EPHA6: variants seen among roughly 807,000 people sequenced by gnomAD.
EPHA6 encodes EPH receptor A6.
In EPHA6, 50 loss-of-function variants were observed where a neutral mutation model predicts 112.0. The observed-to-expected ratio is 0.45, with a 90% CI of 0.36 to 0.56. EPHA6 has a LOEUF of 0.56. Among genes scored for constraint, EPHA6 ranks in the 20% least tolerant of loss-of-function variants. The pLI is 0.00. For synonymous variants in EPHA6, 529 were observed against 490.7 expected (o/e 1.08, Z -1.03); for missense variants, 1,280 against 1,417.4 (o/e 0.90, Z 1.56).
intron 5 of EPHA6, among the ~76,000 whole-genome samples, chr3:97,376,225 G>C (rs1318303396): frequency 6.6e-6 from 1 of 152,092 alleles, no homozygotes; most frequent in Non-Finnish European, 1.5e-5. Context: ...CACCCTAATA[G>C]TAGAGAGTTA....
At chr3:97,141,288 A>G (rs1295203308) in intron 3 of EPHA6, among the ~76,000 whole-genome samples, 1 of 152,084 alleles carries the variant, frequency 6.6e-6, no homozygotes, top group Non-Finnish European at 1.5e-5. Flanking sequence ...CAGAAAATCA[A>G]CAAAGGGCCT....
intron 3 of EPHA6, among the ~76,000 whole-genome samples, chr3:97,223,322 T>C (rs1033801907): frequency 6.6e-6 from 1 of 152,084 alleles, no homozygotes. Context: ...TAATATGAAA[T>C]ATTGCAGCAG....
At chr3:97,455,528 T>G (rs1462970209) in intron 7 of EPHA6, among the ~76,000 whole-genome samples, 2 of 152,064 alleles carry the variant, frequency 1.3e-5, no homozygotes, top group Admixed American at 1.3e-4. Context: ...TCATTATTTA[T>G]AATTTTCTAC....
intron 3 of EPHA6, among the ~76,000 whole-genome samples, chr3:97,220,108 C>A (rs1460616353): frequency 6.6e-6 from 1 of 152,172 alleles, no homozygotes; most frequent in Non-Finnish European, 1.5e-5. Flanking sequence ...CAACAAGCTC[C>A]TCATCTCCAT....
At chr3:97,065,345 T>C (rs2108136674) in intron 3 of EPHA6, among the ~76,000 whole-genome samples, 1 of 152,272 alleles carries the variant, frequency 6.6e-6, no homozygotes, top group Middle Eastern at 3.4e-3. Flanking sequence ...CCATGAAATA[T>C]GCATGTTACC....
At chr3:97,446,541 C>A (rs150624330) in intron 6 of EPHA6, among the ~76,000 whole-genome samples, 1 of 152,178 alleles carries the variant, frequency 6.6e-6, no homozygotes, top group African/African-American at 2.4e-5. Flanking sequence ...TGAACCATAT[C>A]TTCTCTCTTT....
intron 3 of EPHA6, among the ~76,000 whole-genome samples, chr3:97,021,874 T>G (rs1445444467): frequency 6.6e-6 from 1 of 152,188 alleles, no homozygotes; most frequent in Non-Finnish European, 1.5e-5. Context: ...ACTTAGATCA[T>G]CACATGGTCG....
chr3:97,265,580 C>T (rs2079650407), intron 5 of EPHA6, among the ~76,000 whole-genome samples: 1 of 152,208 alleles, frequency 6.6e-6, no homozygotes, highest in Admixed American at 6.5e-5. Context: ...GCAGACACTC[C>T]CGAGCCTGCA....
chr3:97,206,339 A>C (rs536236275), intron 3 of EPHA6, among the ~76,000 whole-genome samples: 10 of 152,052 alleles, frequency 6.6e-5, no homozygotes, highest in Non-Finnish European at 1.5e-4. Context: ...CTTAGTTCAA[A>C]AACTTCTGTG....
chr3:96,971,579 A>T (rs2042318349), intron 2 of EPHA6, among the ~76,000 whole-genome samples: 1 of 139,016 alleles, frequency 7.2e-6, no homozygotes, highest in Admixed American at 6.8e-5. Context: ...CAGTATATTG[A>T]TACAAAGTGA....
At chr3:96,943,303 T>C (rs1008196217) in intron 2 of EPHA6, among the ~76,000 whole-genome samples, 6 of 152,154 alleles carry the variant, frequency 3.9e-5, no homozygotes, top group African/African-American at 1.4e-4. Flanking sequence ...CAAAAAGAAA[T>C]GATAAATTTT....
At chr3:97,740,604 A>G (rs1416996911) in intron 16 of EPHA6, among the ~76,000 whole-genome samples, 1 of 152,150 alleles carries the variant, frequency 6.6e-6, no homozygotes, top group Non-Finnish European at 1.5e-5. Flanking sequence ...GTTTCCAGTA[A>G]TATGTGAATC....
rs149244751 is a variant in EPHA6 at position 97,386,271 on chromosome 3, G to A, written c.1607-18879G>A. Among the ~76,000 whole-genome samples the A allele has an allele frequency of 8.3e-4, 127 of 152,162 alleles. 1 individual carries two copies. The highest frequency in any genetic ancestry group is 2.7e-3 in the African/African-American group (114 of 41,512). On this transcript the variant is annotated intron_variant, in intron 5 of 17. Transcript: ENST00000389672. ...TGAGCTGATTAAACCTCTTTTCTTC[G>A]TAAATTACCTAATTTCAGGTATGTC...
At position 97,611,334 on chromosome 3, in the gene EPHA6, T is replaced by C. The variant is rs138048789; in HGVS notation, c.2574+480T>C. On this transcript the variant is annotated intron_variant, in intron 13 of 17. Transcript: ENST00000389672. The stretch of plus-strand genomic sequence containing the variant: ...CTTCTTCAGTTCATTTGGCTGACTA[T>C]TCAGAAAACAAAGGGAGGAGGAATA... Among the ~76,000 whole-genome samples the C allele has an allele frequency of 5.6e-3, 856 of 151,972 alleles. 6 individuals carry two copies. Among genetic ancestry groups the C allele is most frequent in the Non-Finnish European group, 8.0e-3 (545 of 67,808 alleles).
At chr3:97,164,839 T>G (rs972959615) in intron 3 of EPHA6, among the ~76,000 whole-genome samples, 2 of 152,138 alleles carry the variant, frequency 1.3e-5, no homozygotes, top group Non-Finnish European at 2.9e-5. Context: ...ACCACCAGCA[T>G]CCTATTTGAG....
intron 2 of EPHA6, among the ~76,000 whole-genome samples, chr3:96,962,436 G>A (rs1258832962): frequency 1.3e-5 from 2 of 150,390 alleles, no homozygotes; most frequent in African/African-American, 4.9e-5. Flanking sequence ...CATGGAGGAG[G>A]AATAACAATG....
intron 7 of EPHA6, among the ~76,000 whole-genome samples, chr3:97,450,303 G>T (rs1430456918): frequency 6.6e-6 from 1 of 151,932 alleles, no homozygotes; most frequent in Non-Finnish European, 1.5e-5. Context: ...AGGAAAGTTT[G>T]GTCCAAGATT....
At chr3:97,141,336 TA>T (rs1272883546) in intron 3 of EPHA6, among the ~76,000 whole-genome samples, 1 of 152,098 alleles carries the variant, frequency 6.6e-6, no homozygotes, top group Non-Finnish European at 1.5e-5. Flanking sequence ...GTGGATTTAA[TA>T]GACATTTATA....
At chr3:97,712,159 C>T (rs1048295500) in intron 14 of EPHA6, among the ~76,000 whole-genome samples, 1 of 151,994 alleles carries the variant, frequency 6.6e-6, no homozygotes, top group South Asian at 2.1e-4. Flanking sequence ...AAATAAAATC[C>T]ATTACTTTTG....
Sources: allele counts gnomAD v4.1 joint callset (sites outside exome capture counted in the v4.1 genomes callset), GRCh38; gene constraint gnomAD v4.1.1; transcripts MANE v1.5; gene names NCBI Gene and HGNC (gene_info 2026-07-23, HGNC 2026-07-21).